Variants in PSMB9 observed in about 807,000 individuals in gnomAD.
PSMB9 encodes the protein proteasome subunit beta type-9.
PSMB9 carries 16 observed loss-of-function variants against 26.9 expected under a neutral mutation model. The observed-to-expected ratio is 0.59, with a 90% CI of 0.40 to 0.90. The LOEUF (loss-of-function observed/expected upper bound fraction) is 0.90, where lower values mean the gene tolerates loss of function less well. Ranked by LOEUF, PSMB9 falls within the 40% of genes least tolerant of loss-of-function variation. The probability of loss-of-function intolerance (pLI) is 0.00; values close to 1 mark genes in which losing one functional copy is unlikely to be tolerated. For missense variants in PSMB9, 253 were observed against 292.2 expected (o/e 0.87, Z 0.98); for synonymous variants, 91 against 112.0 (o/e 0.81, Z 1.18).
In PSMB9 at chr6:32,859,520, C is replaced by T. The variant is rs1479222451; in HGVS notation, c.648C>T (p.Phe216=). 6.2e-7 allele frequency: 1 copy of T among 1,613,648 alleles called. No individual in the cohort carries two copies. Among genetic ancestry groups the T allele is most frequent in the Admixed American group, 1.7e-5 (1 of 59,894 alleles). The change falls in exon 6 of 6, where the codon TTC becomes TTT. Residue 216 remains phenylalanine (F), a synonymous_variant. Transcript: ENST00000374859. Reference sequence around the variant, plus strand: ...TCTTGGGCAATGAACTGCCAAAATTCTATGATGAGTGAACCTTCCCCAGAC... The same window carrying T: ...TCTTGGGCAATGAACTGCCAAAATTTTATGATGAGTGAACCTTCCCCAGAC... ...RVILGNELPK[F]YDE is the part of the protein sequence containing the mutation.
rs762662442 is a variant in PSMB9, at chr6:32,858,117, C to CA, written c.375dup (p.Arg126ThrfsTer2). The stretch of plus-strand genomic sequence containing the variant: ...ACATCTCATGGTAGCTGGCTGGGAC[C>CA]AACGTGAAGGAGGTCAGGTGAGTTT... On this transcript the variant is annotated frameshift_variant, in exon 4 of 6. Transcript: ENST00000374859. LOFTEE classifies it high-confidence loss of function. This position sits in a 1 kb window ranked among gnomAD's most constrained non-coding sequence, Gnocchi z 5.2. 3.1e-6 allele frequency: 5 copies of CA among 1,613,032 alleles called. No homozygotes were observed. The Admixed American group carries it at 8.3e-5, about 27-fold the overall frequency.
rs1178204923 is a variant in PSMB9 at position 32,858,549 on chromosome 6, A to T, written c.532+44A>T. The T allele has an allele frequency of 6.2e-7, 1 of 1,611,990 alleles. No individual in the cohort carries two copies. Among genetic ancestry groups the T allele is most frequent in the African/African-American group, 1.3e-5 (1 of 74,906 alleles). On this transcript the variant is annotated intron_variant, in intron 5 of 5. Coordinates refer to ENST00000374859, the MANE Select transcript of PSMB9 (RefSeq NM_002800.5). This position sits in a 1 kb window ranked among gnomAD's most constrained non-coding sequence, Gnocchi z 5.2. Reference sequence around the variant, plus strand: ...GGGTACCTGGGGAGGGCTTTGAAACATGGGAAGGAAGTAGATTATGAGGAA... The same window carrying T: ...GGGTACCTGGGGAGGGCTTTGAAACTTGGGAAGGAAGTAGATTATGAGGAA...
Position 32,857,341 on chromosome 6 carries a change from T to G in PSMB9, c.207T>G (p.Ala69=). Reference sequence around the variant, plus strand: ...TCTACTGTGCACTCTCTGGTTCAGCTGCTGATGCCCAAGCCGTGGCCGACA... The same window carrying G: ...TCTACTGTGCACTCTCTGGTTCAGCGGCTGATGCCCAAGCCGTGGCCGACA... ...ERIYCALSGS[A]ADAQAVADMA... is the part of the protein sequence containing the mutation. The change falls in exon 3 of 6, where the codon GCT becomes GCG. Residue 69 remains alanine, a synonymous_variant. Coordinates refer to ENST00000374859, the MANE Select transcript of PSMB9 (RefSeq NM_002800.5). 6.2e-7 allele frequency: 1 copy of G among 1,612,852 alleles called. No individual in the cohort carries two copies. Among genetic ancestry groups the G allele is most frequent in the Non-Finnish European group, 8.5e-7 (1 of 1,180,002 alleles).
chr6:32,854,245 G>A lies in PSMB9; in HGVS notation c.16G>A (p.Ala6Thr). The A allele has an allele frequency of 1.3e-6, 2 of 1,540,384 alleles. No homozygotes were observed. Among genetic ancestry groups the A allele is most frequent in the Non-Finnish European group, 1.7e-6 (2 of 1,144,328 alleles). Residue 6 changes from alanine (A) to threonine (T), a missense_variant, in exon 1 of 6, where the codon GCA (alanine) becomes ACA (threonine). By Grantham distance (58) the Ala-to-Thr change is moderately conservative (BLOSUM62 0). Transcript: ENST00000374859. This position sits in a 1 kb window ranked among gnomAD's most constrained non-coding sequence, Gnocchi z 4.6. The stretch of plus-strand genomic sequence containing the variant: ...CCTTGCAGGGATGCTGCGGGCGGGA[G>A]CACCAACCGGGGACTTACCCCGGGC... MLRAG[A>T]PTGDLPRAGE...
rs1771058627 is a variant in PSMB9, at chr6:32,854,505, G to A, written c.60+216G>A. Among the ~76,000 whole-genome samples, 1 of 152,164 alleles carries A rather than the reference G, an allele frequency of 6.6e-6. No individual in the cohort carries two copies. Among genetic ancestry groups the A allele is most frequent in the Non-Finnish European group, 1.5e-5 (1 of 68,028 alleles). ...TCCGTGAAGGGAACAGGCACGCGAG[G>A]CTGGTGGAAAAAGCGGGTGCTTTGA... On this transcript the variant is annotated intron_variant, in intron 1 of 5. Coordinates refer to ENST00000374859, the MANE Select transcript of PSMB9 (RefSeq NM_002800.5). This position sits in a 1 kb window ranked among gnomAD's most constrained non-coding sequence, Gnocchi z 4.6.
intron 2 of PSMB9, chr6:32,856,565 T>C (rs1039126286): frequency 4.7e-5 from 10 of 213,294 alleles, no homozygotes; most frequent in Non-Finnish European, 9.4e-5. Context: ...TACCATATAT[T>C]GAACTATTTT....
Position 32,858,467 on chromosome 6 carries a change from G to A in PSMB9, c.494G>A (p.Gly165Asp), listed in dbSNP as rs369359789. The part of the protein sequence containing the change: ...YGYVDAAYKP[G>D]MSPEECRRFT... ...TATGTGGATGCAGCATATAAGCCAG[G>A]CATGTCTCCCGAGGAGTGCAGGCGC... The change falls in exon 5 of 6, where the codon GGC becomes GAC. Residue 165 changes from glycine to aspartate, a missense_variant. By Grantham distance (94) the Gly-to-Asp change is moderately conservative. Transcript: ENST00000374859. The surrounding 1 kb of genome is among the most constrained non-coding windows in gnomAD (Gnocchi z 5.2). The A allele has an allele frequency of 3.2e-5, 51 of 1,612,902 alleles. No individual in the cohort carries two copies. In the African/African-American group the frequency reaches 6.1e-4, roughly 19 times the overall value.
Position 32,857,269 on chromosome 6 carries a change from G to C in PSMB9, c.135G>C (p.Ala45=). The C allele has an allele frequency of 6.2e-7, 1 of 1,603,248 alleles. No homozygotes were observed. Among genetic ancestry groups the C allele is most frequent in the Non-Finnish European group, 8.5e-7 (1 of 1,174,728 alleles). Residue 45 remains alanine, a synonymous_variant, in exon 3 of 6, where the codon GCG becomes GCC. Coordinates refer to ENST00000374859, the MANE Select transcript of PSMB9 (RefSeq NM_002800.5). Reference sequence around the variant, plus strand: ...GTTGACTCCCTCCTGACAGCGAGGCGGTGGTGAACCGAGTGTTTGACAAGC... The same window carrying C: ...GTTGACTCCCTCCTGACAGCGAGGCCGTGGTGAACCGAGTGTTTGACAAGC... ...GSDSRVSAGE[A]VVNRVFDKLS...
rs761142968 is a variant in PSMB9, at chr6:32,858,557, G to A, written c.532+52G>A. 10 of 1,610,986 alleles carry A rather than the reference G, an allele frequency of 6.2e-6. No homozygotes were observed. Among genetic ancestry groups the A allele is most frequent in the Non-Finnish European group, 8.5e-6 (10 of 1,179,162 alleles). ...GGGGAGGGCTTTGAAACATGGGAAG[G>A]AAGTAGATTATGAGGAACAGGAAGA... is the stretch of plus-strand genomic sequence containing the variant. On this transcript the variant is annotated intron_variant, in intron 5 of 5. Coordinates refer to ENST00000374859, the MANE Select transcript of PSMB9 (RefSeq NM_002800.5). This position sits in a 1 kb window ranked among gnomAD's most constrained non-coding sequence, Gnocchi z 5.2.
In PSMB9 at chr6:32,858,455, C is replaced by T. The variant is rs767786175; in HGVS notation, c.482C>T (p.Ala161Val). The T allele has an allele frequency of 6.8e-6, 11 of 1,612,998 alleles. No homozygotes were observed. In the East Asian group the frequency reaches 2.2e-4, roughly 33 times the overall value. Reference protein sequence around the residue: ...STFIYGYVDAAYKPGMSPEEC... With the variant: ...STFIYGYVDAVYKPGMSPEEC... Reference sequence around the variant, plus strand: ...TTTATCTATGGTTATGTGGATGCAGCATATAAGCCAGGCATGTCTCCCGAG... The same window carrying T: ...TTTATCTATGGTTATGTGGATGCAGTATATAAGCCAGGCATGTCTCCCGAG... The change falls in exon 5 of 6, where the codon GCA (alanine) becomes GTA (valine). Residue 161 changes from alanine (A) to valine (V), a missense_variant. By Grantham distance (64) the Ala-to-Val change is moderately conservative. Transcript: ENST00000374859. The surrounding 1 kb of genome is among the most constrained non-coding windows in gnomAD (Gnocchi z 5.2).
chr6:32,859,191 C>T (rs113286535), intron 5 of PSMB9, among the ~76,000 whole-genome samples: 6 of 152,092 alleles, frequency 3.9e-5, no homozygotes, highest in Non-Finnish European at 5.9e-5. Flanking sequence ...TTCATCATAG[C>T]GGGAGCATTT....
Position 32,854,289 on chromosome 6 carries a change from G to A in PSMB9, c.60G>A (p.Gly20=), listed in dbSNP as rs978191181. The A allele has an allele frequency of 1.1e-5, 17 of 1,509,648 alleles. No individual in the cohort carries two copies. The highest frequency in any genetic ancestry group is 1.5e-5 in the Non-Finnish European group (17 of 1,131,400). The allele number at this position is 1,509,648 out of a possible 1,614,324, so 93.5% of individuals were successfully genotyped here. A position where few individuals can be genotyped will look rare whatever the true frequency, so the allele number is the denominator to read the frequency against. The change falls in exon 1 of 6, where the codon GGG becomes GGA. Residue 20 remains glycine, a splice_region_variant and synonymous_variant. Transcript: ENST00000374859. This position sits in a 1 kb window ranked among gnomAD's most constrained non-coding sequence, Gnocchi z 4.6. ...CCCGGGCGGGAGAAGTCCACACCGG[G>A]GTAATGGGTCTGGGCTTGAGGGTTG... ...DLPRAGEVHT[G]TTIMAVEFDG... is the part of the protein sequence containing the mutation.
chr6:32,859,360 A>G, intron 5 of PSMB9, 45 bp from the exon 6 acceptor site: 1 of 1,556,686 alleles, frequency 6.4e-7, no homozygotes, highest in Non-Finnish European at 8.7e-7. Context: ...TTTTGAAGCT[A>G]AGCCATCCTC....
chr6:32,856,065 T>C (rs1771146342), intron 1 of PSMB9, 73 bp from the exon 2 acceptor site: 1 of 1,378,736 alleles, frequency 7.3e-7, no homozygotes, highest in South Asian at 1.2e-5. Flanking sequence ...TCTCTGGGAA[T>C]GTTTCTTCTT....
At chr6:32,857,859 G>T in intron 3 of PSMB9, 146 bp from the exon 4 acceptor site, 3 of 875,006 alleles carry the variant, frequency 3.4e-6, no homozygotes, top group Non-Finnish European at 1.7e-6. Flanking sequence ...GTGGGACTCT[G>T]GTTCCCCTGT....
In PSMB9 at chr6:32,858,971, G is replaced by T. The variant is rs542960563; in HGVS notation, c.533-434G>T. 1.5e-4 allele frequency: 37 copies of T among 249,334 alleles called. No individual in the cohort carries two copies. The East Asian group carries it at 3.7e-3, about 25-fold the overall frequency. 15.4% of individuals were successfully genotyped at this position (249,334 alleles called of 1,614,324 possible). A position where few individuals can be genotyped will look rare whatever the true frequency, so the allele number is the denominator to read the frequency against. On this transcript the variant is annotated intron_variant, in intron 5 of 5. Coordinates refer to ENST00000374859, the MANE Select transcript of PSMB9 (RefSeq NM_002800.5). The surrounding 1 kb of genome is among the most constrained non-coding windows in gnomAD (Gnocchi z 5.2). ...GGAGGCTGAGGTGGAAAGATCATCTGAGCCGGGGAGATCAAGGCTGTAGTG... is the reference window on the plus strand; with the variant it reads ...GGAGGCTGAGGTGGAAAGATCATCTTAGCCGGGGAGATCAAGGCTGTAGTG...
Position 32,859,674 on chromosome 6 carries a change from T to C in PSMB9, c.*142T>C. Reference sequence around the variant, plus strand: ...CCTCCTAGATGTCAGCATACACTCTTTCTTCTTTTGTCCCAGGTCTAAAAC... The same window carrying C: ...CCTCCTAGATGTCAGCATACACTCTCTCTTCTTTTGTCCCAGGTCTAAAAC... On this transcript the variant is annotated 3_prime_UTR_variant, in exon 6 of 6. Coordinates refer to ENST00000374859, the MANE Select transcript of PSMB9 (RefSeq NM_002800.5). The C allele has an allele frequency of 1.0e-6, 1 of 972,630 alleles. No homozygotes were observed. The highest frequency in any genetic ancestry group is 1.5e-6 in the Non-Finnish European group (1 of 671,274). 60.2% of individuals were successfully genotyped at this position (972,630 alleles called of 1,614,324 possible).
chr6:32,856,251 C>T, intron 2 of PSMB9, 46 bp downstream of exon 2: 1 of 1,545,930 alleles, frequency 6.5e-7, no homozygotes, highest in Non-Finnish European at 8.9e-7. Context: ...AGCTAATGGC[C>T]TCAAATACAC....
Position 32,859,673 on chromosome 6 carries a change from T to C in PSMB9, c.*141T>C. The C allele has an allele frequency of 1.0e-6, 1 of 970,806 alleles. No homozygotes were observed. The highest frequency in any genetic ancestry group is 1.5e-6 in the Non-Finnish European group (1 of 669,700). 60.1% of individuals were successfully genotyped at this position (970,806 alleles called of 1,614,324 possible). ...CCCTCCTAGATGTCAGCATACACTC[T>C]TTCTTCTTTTGTCCCAGGTCTAAAA... On this transcript the variant is annotated 3_prime_UTR_variant, in exon 6 of 6. Transcript: ENST00000374859.
Sources: gnomAD v4.1 joint callset for allele counts (sites outside exome capture counted in the v4.1 genomes callset) on GRCh38, gnomAD v4.1.1 for gene constraint, Gnocchi (gnomAD v3.1) non-coding constraint, MANE v1.5 for transcripts, NCBI Gene and HGNC (gene_info 2026-07-23, HGNC 2026-07-21) for gene names.